RAB40C: variants seen among roughly 807,000 people sequenced by gnomAD.
RAB40C encodes the protein RAB40C, member RAS oncogene family.
A neutral mutation model predicts 28.1 loss-of-function variants in RAB40C; 8 were observed. The ratio of observed to expected loss-of-function variants is 0.28; its 90% CI spans 0.17 to 0.51. The LOEUF is 0.51. Ranked by LOEUF, RAB40C falls within the 20% of genes least tolerant of loss-of-function variation. The probability of loss-of-function intolerance (pLI) is 0.97; values close to 1 mark genes in which losing one functional copy is unlikely to be tolerated. For synonymous variants in RAB40C, 201 were observed against 171.7 expected (o/e 1.17, Z -1.34); for missense variants, 288 against 405.9 (o/e 0.71, Z 2.50).
At chr16:594,733 C>G (rs1210294369) in intron 1 of RAB40C, among the ~76,000 whole-genome samples, 1 of 151,912 alleles carries the variant, frequency 6.6e-6, no homozygotes, top group Non-Finnish European at 1.5e-5. Context: ...TTCCCTGTGC[C>G]TACTGTTGGT....
Position 606,510 on chromosome 16 carries a change from C to T in RAB40C, c.143-10698C>T, listed in dbSNP as rs531757843. Among the ~76,000 whole-genome samples the T allele has an allele frequency of 1.0e-3, 158 of 150,880 alleles. 2 individuals carry two copies. The highest frequency in any genetic ancestry group is 3.7e-3 in the African/African-American group (150 of 40,824). On this transcript the variant is annotated intron_variant, in intron 1 of 5. Transcript: ENST00000248139. ...GGTGTTGGCTGACACACAGTCCTCT[C>T]GGTCCTCAGTCCAGTGTGGGTTTCC...
intron 1 of RAB40C, among the ~76,000 whole-genome samples, chr16:597,281 A>G (rs985946834): frequency 1.3e-5 from 2 of 152,030 alleles, no homozygotes; most frequent in African/African-American, 2.4e-5. Context: ...AGTTGGTCCC[A>G]TATTCCCAGA....
intron 1 of RAB40C, among the ~76,000 whole-genome samples, chr16:606,061 G>A (rs978949883): frequency 2.6e-5 from 4 of 152,224 alleles, no homozygotes; most frequent in Non-Finnish European, 5.9e-5. Flanking sequence ...ATACAGGGCC[G>A]CAATAGATGG....
chr16:601,457 C>G (rs1272207389), intron 1 of RAB40C, among the ~76,000 whole-genome samples: 1 of 152,098 alleles, frequency 6.6e-6, no homozygotes, highest in African/African-American at 2.4e-5. Context: ...TGTGAGTTTG[C>G]TCAGGTGTGT....
At chr16:598,500 G>T (rs963539353) in intron 1 of RAB40C, among the ~76,000 whole-genome samples, 1 of 151,016 alleles carries the variant, frequency 6.6e-6, no homozygotes, top group African/African-American at 2.4e-5. Flanking sequence ...GGCGGAGGTT[G>T]CAGAGAGCTG....
rs558804794 is a variant in RAB40C at position 618,165 on chromosome 16, A to G, written c.204-35A>G. ...AGGAGGTGAGCCTCTCACAGGGACC[A>G]CAGTCCCGGCCCCTCCCCTCCCCGT... is the stretch of plus-strand genomic sequence containing the variant. On this transcript the variant is annotated intron_variant, in intron 2 of 5. Transcript: ENST00000248139. The G allele has an allele frequency of 3.7e-6, 6 of 1,600,398 alleles. No individual in the cohort carries two copies. In the African/African-American group the frequency reaches 6.7e-5, roughly 18 times the overall value.
intron 5 of RAB40C, among the ~76,000 whole-genome samples, chr16:626,454 A>C (rs1466309576): frequency 6.6e-6 from 1 of 151,936 alleles, no homozygotes; most frequent in Non-Finnish European, 1.5e-5. Flanking sequence ...TCCTGCTGTC[A>C]GGGGAGCACA....
rs752627307 is a variant in RAB40C, at chr16:617,263, G to A, written c.198G>A (p.Glu66=). Reference sequence around the variant, plus strand: ...TGGACGGCCGGCGCGTGAAGCTGGAGCTCTGGTGAGTTGGGGCTGCGGCAC... The same window carrying A: ...TGGACGGCCGGCGCGTGAAGCTGGAACTCTGGTGAGTTGGGGCTGCGGCAC... The part of the protein sequence containing the change: ...ILLDGRRVKL[E]LWDTSGQGRF... The change falls in exon 2 of 6, where the codon GAG becomes GAA. Residue 66 remains glutamate, a synonymous_variant. Transcript: ENST00000248139. 1 of 1,614,178 alleles carries A rather than the reference G, an allele frequency of 6.2e-7. No homozygotes were observed. The highest frequency in any genetic ancestry group is 8.5e-7 in the Non-Finnish European group (1 of 1,180,032).
chr16:618,367 A>G (rs990811669), intron 3 of RAB40C, 107 bp downstream of exon 3: 1 of 1,123,202 alleles, frequency 8.9e-7, no homozygotes, highest in African/African-American at 1.6e-5. Flanking sequence ...TTCTTTCTTT[A>G]TAAGGATATT....
At chr16:598,877 G>A (rs1037398126) in intron 1 of RAB40C, among the ~76,000 whole-genome samples, 13 of 152,136 alleles carry the variant, frequency 8.5e-5, no homozygotes, top group African/African-American at 2.4e-5. Context: ...TAGGCCGGGC[G>A]GTCAAGCACA....
At chr16:622,563 C>A (rs368288404) in intron 3 of RAB40C, among the ~76,000 whole-genome samples, 11 of 152,172 alleles carry the variant, frequency 7.2e-5, no homozygotes, top group Middle Eastern at 6.3e-3. Flanking sequence ...GCTGGAGTGC[C>A]GTGGCGCGAT....
intron 1 of RAB40C, among the ~76,000 whole-genome samples, chr16:598,871 C>T (rs1308306820): frequency 6.6e-6 from 1 of 152,092 alleles, no homozygotes; most frequent in African/African-American, 2.4e-5. Flanking sequence ...AAGGTGTAGG[C>T]CGGGCGGTCA....
chr16:604,727 G>C (rs745391273), intron 1 of RAB40C, among the ~76,000 whole-genome samples: 8 of 152,192 alleles, frequency 5.3e-5, no homozygotes, highest in Non-Finnish European at 7.3e-5. Context: ...GCCCAGCCTG[G>C]GCAACATAGT....
chr16:619,201 C>A (rs548816160), intron 3 of RAB40C, among the ~76,000 whole-genome samples: 2 of 143,760 alleles, frequency 1.4e-5, no homozygotes, highest in Non-Finnish European at 3.0e-5. Flanking sequence ...GCACTCAGGG[C>A]CATGTGTGTG....
At chr16:618,363 C>T in intron 3 of RAB40C, 103 bp downstream of exon 3, 1 of 1,152,460 alleles carries the variant, frequency 8.7e-7, no homozygotes, top group East Asian at 2.6e-5. Context: ...GACTTTCTTT[C>T]TTTATAAGGA....
chr16:596,420 C>A, intron 1 of RAB40C: 1 of 445,630 alleles, frequency 2.2e-6, no homozygotes, highest in Non-Finnish European at 4.5e-6. Context: ...GGTTGCATCA[C>A]AGCTGAGTCC....
intron 1 of RAB40C, 145 bp downstream of exon 1, chr16:590,578 G>T: frequency 1.3e-5 from 15 of 1,118,454 alleles, no homozygotes; most frequent in Non-Finnish European, 1.8e-5. Context: ...TCGGTAGCTC[G>T]GTGGCTGCGG....
At chr16:594,888 C>T (rs1407723570) in intron 1 of RAB40C, among the ~76,000 whole-genome samples, 1 of 150,358 alleles carries the variant, frequency 6.7e-6, no homozygotes, top group Non-Finnish European at 1.5e-5. Context: ...GGCGCGATCT[C>T]GGCTCACTGC....
intron 1 of RAB40C, among the ~76,000 whole-genome samples, chr16:604,801 T>A (rs2036326652): frequency 6.6e-6 from 1 of 152,216 alleles, no homozygotes; most frequent in Admixed American, 6.5e-5. Context: ...GGCTCATGCC[T>A]GTAGTCTCAG....
Sources: allele counts gnomAD v4.1 joint callset (sites outside exome capture counted in the v4.1 genomes callset), GRCh38; gene constraint gnomAD v4.1.1; transcripts MANE v1.5; gene names NCBI Gene and HGNC (gene_info 2026-07-23, HGNC 2026-07-21).